The following NAV3 variants were observed in gnomAD, a reference collection of about 807,000 sequenced individuals.
NAV3 encodes the protein pore membrane and/or filament interacting like protein 1.
In NAV3, 87 loss-of-function variants were observed where a neutral mutation model predicts 244.7. The ratio of observed to expected loss-of-function variants is 0.36; its 90% CI spans 0.30 to 0.42. The LOEUF is 0.42. NAV3 is among the 20% of genes least tolerant of loss of function. The probability of loss-of-function intolerance (pLI) is 1.00; values close to 1 mark genes in which losing one functional copy is unlikely to be tolerated. For synonymous variants in NAV3, 1,126 were observed against 1,042.2 expected, an observed-to-expected ratio of 1.08 and a Z score of -1.55; for missense variants, 2,663 against 2,893.3, an observed-to-expected ratio of 0.92 and a Z score of 1.83.
chr12:78,096,472 T>A (rs910837265), intron 12 of NAV3, among the ~76,000 whole-genome samples: 2 of 152,194 alleles, frequency 1.3e-5, no homozygotes, highest in Non-Finnish European at 2.9e-5. Flanking sequence ...TACCTGAGAC[T>A]GAGTAATTTA....
chr12:77,589,162 C>G (rs1488275243), intron 2 of NAV3, among the ~76,000 whole-genome samples: 1 of 152,280 alleles, frequency 6.6e-6, no homozygotes, highest in East Asian at 1.9e-4. Context: ...ACCTTGGCAG[C>G]ATGAAATAAT....
At chr12:77,898,898 C>G (rs1294410641) in intron 1 of NAV3, among the ~76,000 whole-genome samples, 1 of 152,098 alleles carries the variant, frequency 6.6e-6, no homozygotes, top group Non-Finnish European at 1.5e-5. Context: ...GAAAGGATGT[C>G]AAAATGTTAA....
chr12:78,008,139 C>T (rs1019109859), intron 8 of NAV3, among the ~76,000 whole-genome samples: 1 of 151,838 alleles, frequency 6.6e-6, no homozygotes, highest in African/African-American at 2.4e-5. Context: ...ATATTAATTT[C>T]CCACAGCAAG....
At chr12:77,793,164 A>G (rs1298528658) in intron 2 of NAV3, among the ~76,000 whole-genome samples, 1 of 152,216 alleles carries the variant, frequency 6.6e-6, no homozygotes, top group Non-Finnish European at 1.5e-5. Flanking sequence ...AAAAAATATT[A>G]TAGCTATTAA....
intron 4 of NAV3, 103 bp from the exon 5 acceptor site, chr12:77,968,416 T>A: frequency 1.1e-6 from 1 of 903,706 alleles, no homozygotes. Context: ...TTAAGTTGTA[T>A]CTCTGTCTTC....
intron 2 of NAV3, among the ~76,000 whole-genome samples, chr12:77,597,134 T>C (rs909155005): frequency 2.0e-5 from 3 of 152,148 alleles, no homozygotes; most frequent in African/African-American, 7.2e-5. Flanking sequence ...TAGTGATGTC[T>C]CACATGCAAT....
chr12:77,815,206 G>T (rs1322598882), intron 2 of NAV3, among the ~76,000 whole-genome samples: 1 of 152,076 alleles, frequency 6.6e-6, no homozygotes, highest in Non-Finnish European at 1.5e-5. Flanking sequence ...TAGTAATTTT[G>T]GTCATGACAA....
intron 9 of NAV3, among the ~76,000 whole-genome samples, chr12:78,048,711 G>C (rs1882255439): frequency 1.3e-5 from 2 of 152,206 alleles, no homozygotes; most frequent in Admixed American, 1.3e-4. Flanking sequence ...ACCCACTTGA[G>C]GAGGCTGTCT....
intron 3 of NAV3, among the ~76,000 whole-genome samples, chr12:77,959,402 G>A (rs954632059): frequency 2.6e-5 from 4 of 152,000 alleles, no homozygotes; most frequent in Non-Finnish European, 5.9e-5. Flanking sequence ...AATACCAAAA[G>A]TGAAAGGGGC....
chr12:78,097,190 C>G (rs1215652985), intron 12 of NAV3, among the ~76,000 whole-genome samples: 2 of 152,158 alleles, frequency 1.3e-5, no homozygotes, highest in African/African-American at 4.8e-5. Context: ...AAAATTAAGA[C>G]ATCTGGTCAG....
intron 1 of NAV3, among the ~76,000 whole-genome samples, chr12:77,836,696 A>G (rs1011728035): frequency 6.6e-6 from 1 of 152,130 alleles, no homozygotes; most frequent in African/African-American, 2.4e-5. Context: ...TAACAGCAAT[A>G]TTTTTTCTGG....
Position 78,114,513 on chromosome 12 carries a change from G to A in NAV3, c.2637-2259G>A, listed in dbSNP as rs1457679957. ...GCAAACACATCCTCCTTCACATGGTGGCAGGGAGAAGAATGAGCAAAACGG... is the reference window on the plus strand; with the variant it reads ...GCAAACACATCCTCCTTCACATGGTAGCAGGGAGAAGAATGAGCAAAACGG... On this transcript the variant is annotated intron_variant, in intron 12 of 39. Coordinates refer to ENST00000397909, the MANE Select transcript of NAV3 (RefSeq NM_001024383.2). 7.2e-5 allele frequency among the ~76,000 whole-genome samples: 11 copies of A among 152,266 alleles called. No homozygotes were observed. In the East Asian group the frequency reaches 2.1e-3, roughly 29 times the overall value.
chr12:78,047,713 T>C (rs2137183577), intron 9 of NAV3, among the ~76,000 whole-genome samples: 1 of 152,308 alleles, frequency 6.6e-6, no homozygotes, highest in East Asian at 1.9e-4. Context: ...AAGAGTATCT[T>C]TGTGGTGGTC....
At chr12:78,024,108 C>T (rs1877601265) in intron 9 of NAV3, among the ~76,000 whole-genome samples, 1 of 152,146 alleles carries the variant, frequency 6.6e-6, no homozygotes, top group Non-Finnish European at 1.5e-5. Context: ...TTCATTGATC[C>T]TACCACTTTT....
intron 16 of NAV3, 111 bp downstream of exon 16, chr12:78,122,539 A>G (rs2138714248): frequency 7.5e-7 from 1 of 1,333,978 alleles, no homozygotes; most frequent in Non-Finnish European, 1.0e-6. Flanking sequence ...CGGTGCAAAA[A>G]GATGTAAGAC....
intron 9 of NAV3, among the ~76,000 whole-genome samples, chr12:78,028,956 C>G (rs1878526740): frequency 6.6e-6 from 1 of 151,974 alleles, no homozygotes; most frequent in African/African-American, 2.4e-5. Flanking sequence ...CAGCAGTGAA[C>G]AGAGGTATAT....
intron 12 of NAV3, among the ~76,000 whole-genome samples, chr12:78,110,692 TA>T (rs1555290466): frequency 4.4e-4 from 66 of 150,998 alleles, no homozygotes; most frequent in Middle Eastern, 3.4e-3. Flanking sequence ...TATATATATA[TA>T]GTGTGTGTGT....
At chr12:77,957,837 T>C (rs2137773046) in intron 3 of NAV3, among the ~76,000 whole-genome samples, 1 of 152,214 alleles carries the variant, frequency 6.6e-6, no homozygotes, top group East Asian at 1.9e-4. Flanking sequence ...TGGCTAATTT[T>C]TGTATTTTTA....
intron 12 of NAV3, among the ~76,000 whole-genome samples, chr12:78,062,146 C>T (rs778259843): frequency 7.9e-5 from 12 of 152,120 alleles, no homozygotes; most frequent in Non-Finnish European, 1.2e-4. Flanking sequence ...TCATAGAACA[C>T]GAAACAGTTA....
Sources: gnomAD v4.1 joint callset for allele counts (sites outside exome capture counted in the v4.1 genomes callset) on GRCh38, gnomAD v4.1.1 for gene constraint, MANE v1.5 for transcripts, NCBI Gene and HGNC (gene_info 2026-07-23, HGNC 2026-07-21) for gene names.